Variants in CD47 observed in about 807,000 individuals in gnomAD.
CD47 encodes the protein CD47 molecule, also known as leukocyte surface antigen CD47.
Under a neutral mutation model 44.6 loss-of-function variants are expected in CD47, and 11 were observed. That is an observed-to-expected ratio of 0.25 (90% CI 0.16 to 0.41). The LOEUF (loss-of-function observed/expected upper bound fraction) is 0.41, where lower values mean the gene tolerates loss of function less well. CD47 is among the 10% of genes least tolerant of loss of function. CD47 has a pLI of 1.00. For missense variants in CD47, 306 were observed against 386.7 expected (o/e 0.79, Z 1.75); for synonymous variants, 140 against 136.3 (o/e 1.03, Z -0.19).
chr3:108,074,299 T>C (rs751508851), intron 2 of CD47, among the ~76,000 whole-genome samples: 11 of 152,054 alleles, frequency 7.2e-5, no homozygotes, highest in Non-Finnish European at 1.6e-4. Flanking sequence ...GAACAAAAAA[T>C]ACTGTCTAAG....
chr3:108,062,725 C>T (rs1011959280), intron 3 of CD47, among the ~76,000 whole-genome samples: 2 of 150,978 alleles, frequency 1.3e-5, no homozygotes, highest in Non-Finnish European at 3.0e-5. Flanking sequence ...TCACTGCAAA[C>T]TCTGCCTCCC....
At chr3:108,087,341 TC>T (rs2079541117) in intron 1 of CD47, among the ~76,000 whole-genome samples, 1 of 151,866 alleles carries the variant, frequency 6.6e-6, no homozygotes, top group Admixed American at 6.6e-5. Flanking sequence ...CCCAACGCAA[TC>T]CCCCTAATGA....
intron 3 of CD47, among the ~76,000 whole-genome samples, chr3:108,069,294 G>A (rs950656523): frequency 6.6e-6 from 1 of 151,994 alleles, no homozygotes; most frequent in African/African-American, 2.4e-5. Context: ...AAATTATAGT[G>A]CATCCACAAA....
At chr3:108,079,582 A>C (rs932331978) in intron 2 of CD47, among the ~76,000 whole-genome samples, 23 of 149,220 alleles carry the variant, frequency 1.5e-4, no homozygotes, top group Non-Finnish European at 8.9e-5. Flanking sequence ...AAAAAAAAAA[A>C]AAAAAAAAAA....
chr3:108,059,389 CA>C, intron 5 of CD47, 62 bp downstream of exon 5: 2 of 778,058 alleles, frequency 2.6e-6, no homozygotes, highest in East Asian at 3.0e-5. Context: ...GCATTTTCAC[CA>C]AAACTGCTGT....
chr3:108,079,187 G>C (rs2079366429), intron 2 of CD47, among the ~76,000 whole-genome samples: 1 of 151,902 alleles, frequency 6.6e-6, no homozygotes, highest in South Asian at 2.1e-4. Flanking sequence ...TAATATGACA[G>C]GTAATTCTAA....
chr3:108,080,473 G>T, intron 1 of CD47, 129 bp from the exon 2 acceptor site: 1 of 565,088 alleles, frequency 1.8e-6, no homozygotes, highest in Non-Finnish European at 3.2e-6. Flanking sequence ...GTATAGCAAT[G>T]AAGAAGACCT....
chr3:108,086,607 A>T (rs1156255055), intron 1 of CD47, among the ~76,000 whole-genome samples: 2 of 152,204 alleles, frequency 1.3e-5, no homozygotes, highest in African/African-American at 4.8e-5. Flanking sequence ...TGGCTTTATC[A>T]AGCACTTAAA....
intron 6 of CD47, among the ~76,000 whole-genome samples, chr3:108,057,865 A>G (rs2078938352): frequency 6.6e-6 from 1 of 152,230 alleles, no homozygotes; most frequent in East Asian, 1.9e-4. Context: ...CAGGCATATC[A>G]GTTTGGGTGC....
intron 5 of CD47, among the ~76,000 whole-genome samples, chr3:108,058,904 G>A (rs1457161370): frequency 1.3e-5 from 2 of 152,176 alleles, no homozygotes; most frequent in Non-Finnish European, 2.9e-5. Flanking sequence ...AGTGTTAAAT[G>A]TGACTCTTTA....
At chr3:108,050,470 G>GA (rs1409136301) in intron 9 of CD47, 108 bp downstream of exon 9, 3 of 667,530 alleles carry the variant, frequency 4.5e-6, no homozygotes, top group African/African-American at 3.9e-5. Context: ...AAAAAAAGAG[G>GA]AAAAAAACCT....
At chr3:108,067,601 C>A (rs1039531294) in intron 3 of CD47, among the ~76,000 whole-genome samples, 3 of 152,236 alleles carry the variant, frequency 2.0e-5, no homozygotes, top group Non-Finnish European at 2.9e-5. Context: ...AGAACACAAA[C>A]AAAGCGTCTG....
intron 8 of CD47, among the ~76,000 whole-genome samples, chr3:108,051,537 T>C (rs916701869): frequency 6.6e-6 from 1 of 152,234 alleles, no homozygotes; most frequent in African/African-American, 2.4e-5. Context: ...ATTATAATTA[T>C]CAGTGATGTC....
At chr3:108,064,543 G>A (rs527779425) in intron 3 of CD47, among the ~76,000 whole-genome samples, 43 of 152,132 alleles carry the variant, frequency 2.8e-4, no homozygotes, top group African/African-American at 1.0e-3. Context: ...AAATTACCAA[G>A]TCAACTTGGG....
chr3:108,077,408 G>A (rs963105367), intron 2 of CD47, among the ~76,000 whole-genome samples: 2 of 152,104 alleles, frequency 1.3e-5, no homozygotes, highest in African/African-American at 2.4e-5. Flanking sequence ...AGATACTGGT[G>A]AGGATGTGGA....
chr3:108,049,573 CCA>C, intron 10 of CD47, 44 bp downstream of exon 10: 2 of 1,211,344 alleles, frequency 1.7e-6, no homozygotes, highest in South Asian at 2.4e-5. Flanking sequence ...TTTCCAATGT[CCA>C]TGTTTTAACT....
At chr3:108,048,755 C>T (rs1424597271) in intron 10 of CD47, among the ~76,000 whole-genome samples, 1 of 152,136 alleles carries the variant, frequency 6.6e-6, no homozygotes. Flanking sequence ...GAGTTAAATG[C>T]TGCACTTTGC....
chr3:108,083,979 TCTC>T (rs2079468251), intron 1 of CD47, among the ~76,000 whole-genome samples: 1 of 151,398 alleles, frequency 6.6e-6, no homozygotes, highest in African/African-American at 2.4e-5. Context: ...TACCCATCAG[TCTC>T]CTCAACGACT....
At chr3:108,087,134 A>G (rs1368191651) in intron 1 of CD47, among the ~76,000 whole-genome samples, 1 of 152,148 alleles carries the variant, frequency 6.6e-6, no homozygotes, top group East Asian at 1.9e-4. Flanking sequence ...AGAAGCAAAG[A>G]TCATCAGTAA....
Sources: gnomAD v4.1 joint callset for allele counts (sites outside exome capture counted in the v4.1 genomes callset) on GRCh38, gnomAD v4.1.1 for gene constraint, MANE v1.5 for transcripts, NCBI Gene and HGNC (gene_info 2026-07-23, HGNC 2026-07-21) for gene names.